The following UBE2E3 variants were observed in gnomAD, a reference collection of about 807,000 sequenced individuals.
UBE2E3 encodes ubiquitin-conjugating enzyme E2 E3.
A neutral mutation model predicts 23.6 loss-of-function variants in UBE2E3; 5 were observed. The observed-to-expected ratio is 0.21, with a 90% CI of 0.11 to 0.44. The LOEUF is 0.44. Ranked by LOEUF, UBE2E3 falls within the 20% of genes least tolerant of loss-of-function variation. The pLI is 0.99. For synonymous variants in UBE2E3, 78 were observed against 87.5 expected (o/e 0.89, Z 0.60); for missense variants, 81 against 249.8 (o/e 0.32, Z 4.55).
In UBE2E3 at chr2:181,035,017, A is replaced by G. The variant is rs114321157; in HGVS notation, c.246-22676A>G. Among the ~76,000 whole-genome samples, 882 of 152,312 alleles carry G rather than the reference A, an allele frequency of 5.8e-3. 12 individuals carry two copies. Among genetic ancestry groups the G allele is most frequent in the African/African-American group, 0.02 (841 of 41,576 alleles). The stretch of plus-strand genomic sequence containing the variant: ...ATTTTAGGTGATTCTATTTAGATAA[A>G]TGGCAAAATCCGCCTTGGAAAAGCT... On this transcript the variant is annotated intron_variant, in intron 3 of 5. Transcript: ENST00000410062.
intron 3 of UBE2E3, among the ~76,000 whole-genome samples, chr2:181,006,426 A>G (rs539301352): frequency 6.6e-6 from 1 of 151,572 alleles, no homozygotes; most frequent in South Asian, 2.1e-4. Context: ...GATTCCATGA[A>G]GGATACTACT....
chr2:181,020,724 A>G (rs1413790455), intron 3 of UBE2E3, among the ~76,000 whole-genome samples: 2 of 152,196 alleles, frequency 1.3e-5, no homozygotes, highest in African/African-American at 2.4e-5. Flanking sequence ...ATATAGAGCT[A>G]AGGGAAAAAA....
chr2:181,060,354 C>T (rs1042785327), intron 4 of UBE2E3, among the ~76,000 whole-genome samples: 5 of 151,702 alleles, frequency 3.3e-5, no homozygotes, highest in African/African-American at 7.3e-5. Context: ...TATGTGTACA[C>T]ACACAGTTGT....
chr2:181,052,118 A>G (rs575193111), intron 3 of UBE2E3, among the ~76,000 whole-genome samples: 36 of 151,948 alleles, frequency 2.4e-4, no homozygotes, highest in African/African-American at 8.4e-4. Context: ...AATCTTATCT[A>G]GTTGTTAAGG....
At chr2:180,998,760 A>G (rs191695823) in intron 3 of UBE2E3, among the ~76,000 whole-genome samples, 253 of 152,242 alleles carry the variant, frequency 1.7e-3, no homozygotes, top group African/African-American at 5.9e-3. Flanking sequence ...ACGTAATAAG[A>G]TGCAACTTTG....
intron 3 of UBE2E3, among the ~76,000 whole-genome samples, chr2:181,049,330 G>C (rs886263910): frequency 7.2e-5 from 11 of 151,978 alleles, no homozygotes; most frequent in Admixed American, 7.2e-4. Context: ...GTTTATCCTG[G>C]CATCCCAGTG....
At chr2:181,022,555 T>C (rs1330294884) in intron 3 of UBE2E3, among the ~76,000 whole-genome samples, 1 of 152,112 alleles carries the variant, frequency 6.6e-6, no homozygotes, top group Non-Finnish European at 1.5e-5. Context: ...TAACCATGCC[T>C]GAAGGAAGCT....
intron 3 of UBE2E3, among the ~76,000 whole-genome samples, chr2:180,999,348 T>C (rs1034530234): frequency 1.3e-5 from 2 of 152,184 alleles, no homozygotes; most frequent in African/African-American, 4.8e-5. Context: ...GTTGTGAGCC[T>C]TTTGGTTGTT....
upstream of UBE2E3, chr2:180,980,480 C>A (rs1275290399): frequency 6.7e-6 from 1 of 149,838 alleles, no homozygotes; most frequent in African/African-American, 2.4e-5. The surrounding 1 kb of genome is among the most constrained non-coding windows in gnomAD (Gnocchi z 5.5). Context: ...GTGTGGAGAG[C>A]GCGCACGGGA....
intron 3 of UBE2E3, among the ~76,000 whole-genome samples, chr2:181,051,667 G>T (rs1686848117): frequency 6.6e-6 from 1 of 151,772 alleles, no homozygotes; most frequent in African/African-American, 2.4e-5. Flanking sequence ...AATAGTGATT[G>T]ATTTTAATTT....
intron 3 of UBE2E3, among the ~76,000 whole-genome samples, chr2:181,021,719 G>A (rs1280792290): frequency 2.3e-5 from 3 of 131,374 alleles, no homozygotes; most frequent in Non-Finnish European, 4.7e-5. Flanking sequence ...ATTAATGTCT[G>A]TGGTCATGGA....
chr2:181,041,759 T>C (rs1266682782), intron 3 of UBE2E3, among the ~76,000 whole-genome samples: 1 of 152,164 alleles, frequency 6.6e-6, no homozygotes, highest in African/African-American at 2.4e-5. Flanking sequence ...TGGTAAGCTC[T>C]TTTCAAATAA....
chr2:181,004,165 G>C (rs1438312745), intron 3 of UBE2E3, among the ~76,000 whole-genome samples: 1 of 152,190 alleles, frequency 6.6e-6, no homozygotes, highest in Non-Finnish European at 1.5e-5. Context: ...CACTTTCTCT[G>C]TATTACACAG....
At chr2:181,034,982 G>T (rs1686223380) in intron 3 of UBE2E3, among the ~76,000 whole-genome samples, 1 of 152,164 alleles carries the variant, frequency 6.6e-6, no homozygotes, top group African/African-American at 2.4e-5. Context: ...AAAGGGGAAA[G>T]ACAACTAATA....
intron 3 of UBE2E3, among the ~76,000 whole-genome samples, chr2:181,052,105 G>A (rs906244978): frequency 6.6e-6 from 1 of 151,758 alleles, no homozygotes; most frequent in African/African-American, 2.4e-5. Flanking sequence ...ATTAATCTGA[G>A]TGAATCTTAT....
At chr2:180,980,519 G>C (rs1005532588), upstream of UBE2E3, 6 of 148,086 alleles carry the variant, frequency 4.1e-5, no homozygotes, top group South Asian at 2.1e-4. The surrounding 1 kb of genome is among the most constrained non-coding windows in gnomAD (Gnocchi z 5.5). Flanking sequence ...CGCCCGCCGG[G>C]CGTCGGCGGC....
chr2:181,013,415 T>C (rs2105611519), intron 3 of UBE2E3, among the ~76,000 whole-genome samples: 1 of 151,118 alleles, frequency 6.6e-6, no homozygotes, highest in Non-Finnish European at 1.5e-5. Flanking sequence ...TTGGAAGATC[T>C]ATTTTCAAGG....
chr2:181,033,003 C>G (rs1686131716), intron 3 of UBE2E3, among the ~76,000 whole-genome samples: 2 of 152,110 alleles, frequency 1.3e-5, no homozygotes, highest in African/African-American at 4.8e-5. Context: ...AGGAGAACTA[C>G]AAACCACTGC....
intron 3 of UBE2E3, among the ~76,000 whole-genome samples, chr2:181,052,022 A>C (rs1193250786): frequency 1.3e-5 from 2 of 151,840 alleles, no homozygotes; most frequent in East Asian, 3.9e-4. Context: ...AGTTTGGCAC[A>C]ATGTAAAAAT....
Sources: gnomAD v4.1 joint callset for allele counts (sites outside exome capture counted in the v4.1 genomes callset) on GRCh38, gnomAD v4.1.1 for gene constraint, Gnocchi (gnomAD v3.1) non-coding constraint, MANE v1.5 for transcripts, NCBI Gene and HGNC (gene_info 2026-07-23, HGNC 2026-07-21) for gene names.